UBE3C: variants seen among roughly 807,000 people sequenced by gnomAD.
UBE3C encodes ubiquitin protein ligase E3C, also known as ubiquitin-protein ligase E3C.
UBE3C carries 42 observed loss-of-function variants against 129.4 expected under a neutral mutation model. That is an observed-to-expected ratio of 0.32 (90% CI 0.25 to 0.42). The LOEUF is 0.42. Ranked by LOEUF, UBE3C falls within the 10% of genes least tolerant of loss-of-function variation. The pLI is 1.00. For missense variants in UBE3C, 1,049 were observed against 1,319.1 expected (o/e 0.80, Z 3.17); for synonymous variants, 510 against 492.4 (o/e 1.04, Z -0.47).
rs1200499733 is a variant in UBE3C, at chr7:157,194,112, A to G, written c.1331+7091A>G. On this transcript the variant is annotated intron_variant, in intron 10 of 22. Transcript: ENST00000348165. The stretch of plus-strand genomic sequence containing the variant: ...CAATGTTCAGTTCTTTTAAGAAATC[A>G]TTTTCTTTGGAAGATGATTTTGACC... 5.3e-5 allele frequency among the ~76,000 whole-genome samples: 8 copies of G among 152,254 alleles called. No homozygotes were observed. The South Asian group carries it at 6.2e-4, about 12-fold the overall frequency.
chr7:157,199,335 C>T lies in UBE3C; in HGVS notation c.1332-2386C>T, dbSNP rs146469444. 8.5e-5 allele frequency among the ~76,000 whole-genome samples: 13 copies of T among 152,180 alleles called. No individual in the cohort carries two copies. In the East Asian group the frequency reaches 2.1e-3, roughly 25 times the overall value. On this transcript the variant is annotated intron_variant, in intron 10 of 22. Transcript: ENST00000348165. Reference sequence around the variant, plus strand: ...AAAACTCCACAAAGGCAAGAAAAAACGTTAACACTCTTATCAGGCATATGG... The same window carrying T: ...AAAACTCCACAAAGGCAAGAAAAAATGTTAACACTCTTATCAGGCATATGG...
intron 22 of UBE3C, among the ~76,000 whole-genome samples, chr7:157,261,337 A>G (rs1322789391): frequency 8.4e-6 from 1 of 119,556 alleles, no homozygotes; most frequent in African/African-American, 3.1e-5. Flanking sequence ...AAAAAAAAAA[A>G]AATCCCAAAT....
chr7:157,196,414 T>C (rs1809122123), intron 10 of UBE3C, among the ~76,000 whole-genome samples: 1 of 152,182 alleles, frequency 6.6e-6, no homozygotes, highest in Non-Finnish European at 1.5e-5. Flanking sequence ...CCTTCTGACT[T>C]CAGAAATACA....
intron 22 of UBE3C, among the ~76,000 whole-genome samples, chr7:157,264,586 CAT>C (rs950594808): frequency 2.0e-4 from 30 of 152,092 alleles, no homozygotes; most frequent in South Asian, 2.1e-4. Flanking sequence ...CACACACAAA[CAT>C]ATATATTTTT....
intron 1 of UBE3C, among the ~76,000 whole-genome samples, chr7:157,156,223 G>A (rs898511351): frequency 2.0e-5 from 3 of 151,388 alleles, no homozygotes; most frequent in African/African-American, 7.3e-5. Context: ...AAGTACATGG[G>A]TGATCATTCA....
At chr7:157,191,045 G>A (rs974747726) in intron 10 of UBE3C, among the ~76,000 whole-genome samples, 6 of 152,140 alleles carry the variant, frequency 3.9e-5, no homozygotes, top group Admixed American at 6.5e-5. Context: ...TTTAGGGGTC[G>A]AAGAGGTTGA....
intron 2 of UBE3C, among the ~76,000 whole-genome samples, chr7:157,166,517 G>A (rs112593328): frequency 0.062 from 9,486 of 152,176 alleles, 730 homozygotes; most frequent in African/African-American, 0.18. Flanking sequence ...GAGGCAGGCC[G>A]ATCACCTGAG....
chr7:157,192,910 T>G, intron 10 of UBE3C: 1 of 694,550 alleles, frequency 1.4e-6, no homozygotes, highest in Non-Finnish European at 2.5e-6. Flanking sequence ...TTTGAGGTAG[T>G]GAATGCCACT....
At chr7:157,256,095 G>A (rs953627390) in intron 21 of UBE3C, among the ~76,000 whole-genome samples, 2 of 152,016 alleles carry the variant, frequency 1.3e-5, no homozygotes, top group African/African-American at 4.8e-5. Context: ...CTTGGTGCCT[G>A]CATTCATCTT....
intron 14 of UBE3C, 125 bp from the exon 15 acceptor site, chr7:157,220,564 T>A: frequency 1.1e-6 from 1 of 942,610 alleles, no homozygotes; most frequent in Non-Finnish European, 1.6e-6. Context: ...CATGAAGGTA[T>A]GAGGTCAGAG....
chr7:157,232,166 A>G (rs542746961), intron 18 of UBE3C, among the ~76,000 whole-genome samples: 46 of 152,104 alleles, frequency 3.0e-4, no homozygotes, highest in Non-Finnish European at 5.1e-4. Context: ...TAATAAGGAC[A>G]CCTGTCATTG....
intron 1 of UBE3C, among the ~76,000 whole-genome samples, chr7:157,152,707 G>A (rs966058546): frequency 2.6e-5 from 4 of 152,068 alleles, no homozygotes; most frequent in African/African-American, 4.8e-5. Context: ...TTGTTTATCC[G>A]GATGCTGTAC....
chr7:157,177,582 GC>G (rs1163094134), intron 5 of UBE3C, among the ~76,000 whole-genome samples: 4 of 152,338 alleles, frequency 2.6e-5, no homozygotes, highest in African/African-American at 9.6e-5. Flanking sequence ...GTTATGTGTA[GC>G]CCCGCTCCTC....
At chr7:157,230,838 C>T (rs911303629) in intron 17 of UBE3C, among the ~76,000 whole-genome samples, 2 of 151,592 alleles carry the variant, frequency 1.3e-5, no homozygotes, top group Non-Finnish European at 2.9e-5. Flanking sequence ...GGACCAATTC[C>T]CTGAGAGTTT....
chr7:157,140,913 A>G (rs1468059924), intron 1 of UBE3C, among the ~76,000 whole-genome samples: 2 of 152,256 alleles, frequency 1.3e-5, no homozygotes, highest in Non-Finnish European at 2.9e-5. Flanking sequence ...GTTCACAAAC[A>G]CTAAAGAGAT....
intron 8 of UBE3C, 61 bp downstream of exon 8, chr7:157,182,389 CAA>C (rs747467467): frequency 3.7e-5 from 56 of 1,527,010 alleles, no homozygotes; most frequent in Non-Finnish European, 4.9e-5. Flanking sequence ...GCAGATGAGT[CAA>C]GAGAAGGCCA....
intron 10 of UBE3C, among the ~76,000 whole-genome samples, chr7:157,188,387 AC>A (rs1808867051): frequency 6.6e-6 from 1 of 152,218 alleles, no homozygotes; most frequent in African/African-American, 2.4e-5. Flanking sequence ...GTCTTCACTC[AC>A]TGGTGTTTAT....
chr7:157,141,208 C>G (rs35344384), intron 1 of UBE3C, among the ~76,000 whole-genome samples: 6,998 of 152,166 alleles, frequency 0.046, 217 homozygotes, highest in Non-Finnish European at 0.071. Flanking sequence ...GTGCCCTGGC[C>G]TGGTTAAGGA....
intron 15 of UBE3C, chr7:157,221,830 C>T (rs1795744895): frequency 6.6e-6 from 1 of 152,048 alleles, no homozygotes; most frequent in African/African-American, 2.4e-5. Context: ...TGATATTCAG[C>T]ATCTTTTTCA....
Sources: allele counts gnomAD v4.1 joint callset (sites outside exome capture counted in the v4.1 genomes callset), GRCh38; gene constraint gnomAD v4.1.1; transcripts MANE v1.5; gene names NCBI Gene and HGNC (gene_info 2026-07-23, HGNC 2026-07-21).